The following LRP1B variants were observed in gnomAD, a reference collection of about 807,000 sequenced individuals.
LRP1B encodes low-density lipoprotein receptor-related protein 1B.
In LRP1B, 217 loss-of-function variants were observed where a neutral mutation model predicts 556.6. The observed-to-expected ratio is 0.39, with a 90% CI of 0.35 to 0.44. The LOEUF (loss-of-function observed/expected upper bound fraction) is 0.44, where lower values mean the gene tolerates loss of function less well. Among genes scored for constraint, LRP1B ranks in the 20% least tolerant of loss-of-function variants. The pLI is 1.00. For synonymous variants in LRP1B, 2,047 were observed against 1,865.8 expected, an observed-to-expected ratio of 1.10 and a Z score of -2.50; for missense variants, 5,053 against 5,620.8, an observed-to-expected ratio of 0.90 and a Z score of 3.23.
At chr2:141,020,284 T>A (rs2096355119) in intron 11 of LRP1B, among the ~76,000 whole-genome samples, 182 bp from the exon 12 acceptor site, 2 of 152,076 alleles carry the variant, frequency 1.3e-5, no homozygotes, top group African/African-American at 2.4e-5. Flanking sequence ...TCAATTTTAT[T>A]TTGAATGCCT....
intron 1 of LRP1B, among the ~76,000 whole-genome samples, chr2:142,012,924 T>C (rs1363776136): frequency 6.6e-6 from 1 of 152,066 alleles, no homozygotes; most frequent in Non-Finnish European, 1.5e-5. Context: ...TAGACCTAAG[T>C]TTGGGGAGTA....
chr2:141,209,412 G>A (rs973376379), intron 6 of LRP1B, among the ~76,000 whole-genome samples: 1 of 152,076 alleles, frequency 6.6e-6, no homozygotes, highest in African/African-American at 2.4e-5. Flanking sequence ...GTTTTCAGAA[G>A]CCTCCCCAGC....
At chr2:140,794,715 G>C (rs1690243621) in intron 32 of LRP1B, among the ~76,000 whole-genome samples, 2 of 151,854 alleles carry the variant, frequency 1.3e-5, no homozygotes. Context: ...CTGGGTTCAA[G>C]CGCTTCTCCT....
intron 2 of LRP1B, among the ~76,000 whole-genome samples, chr2:141,755,602 C>T (rs1694289379): frequency 6.6e-6 from 1 of 151,882 alleles, no homozygotes; most frequent in Non-Finnish European, 1.5e-5. Context: ...AACAAGTCAG[C>T]AATATGTTTA....
At chr2:140,820,310 A>G (rs1483563983) in intron 31 of LRP1B, among the ~76,000 whole-genome samples, 1 of 152,158 alleles carries the variant, frequency 6.6e-6, no homozygotes, top group African/African-American at 2.4e-5. Flanking sequence ...CACATTATTC[A>G]ACAACTAGTT....
At chr2:141,707,564 C>A (rs1692190285) in intron 2 of LRP1B, among the ~76,000 whole-genome samples, 1 of 152,136 alleles carries the variant, frequency 6.6e-6, no homozygotes, top group Non-Finnish European at 1.5e-5. Context: ...GCAATTACTG[C>A]ACACACAGGG....
At chr2:141,471,673 A>G (rs1039711215) in intron 3 of LRP1B, among the ~76,000 whole-genome samples, 8 of 152,096 alleles carry the variant, frequency 5.3e-5, no homozygotes, top group Non-Finnish European at 8.8e-5. Flanking sequence ...ACCTACCTCA[A>G]TTACTACATG....
At chr2:142,006,673 C>A (rs531104767) in intron 1 of LRP1B, among the ~76,000 whole-genome samples, 51 of 152,288 alleles carry the variant, frequency 3.3e-4, no homozygotes, top group African/African-American at 1.2e-3. Context: ...GTTAAATATA[C>A]AGTTTTTGAA....
intron 60 of LRP1B, among the ~76,000 whole-genome samples, chr2:140,458,770 A>AT (rs1380122001): frequency 6.6e-6 from 1 of 152,056 alleles, no homozygotes; most frequent in East Asian, 1.9e-4. Context: ...TTACAGCCTT[A>AT]TTTTTTAAAT....
chr2:140,593,520 A>T (rs1438843435), intron 43 of LRP1B, among the ~76,000 whole-genome samples: 4 of 152,154 alleles, frequency 2.6e-5, no homozygotes, highest in Non-Finnish European at 5.9e-5. Context: ...TAATAACTAA[A>T]TTTCCCAAAA....
intron 3 of LRP1B, among the ~76,000 whole-genome samples, chr2:141,303,436 C>T (rs866024636): frequency 4.6e-5 from 7 of 152,096 alleles, no homozygotes; most frequent in Non-Finnish European, 5.9e-5. Context: ...AATCACCAAC[C>T]CCACACACCT....
intron 63 of LRP1B, among the ~76,000 whole-genome samples, chr2:140,447,838 CTAT>C (rs1355479262): frequency 9.2e-5 from 14 of 151,938 alleles, no homozygotes; most frequent in Non-Finnish European, 1.9e-4. Context: ...CCATTGTGGG[CTAT>C]TAGTTGACCT....
intron 2 of LRP1B, among the ~76,000 whole-genome samples, chr2:141,758,186 C>G (rs1271082277): frequency 1.3e-5 from 2 of 152,192 alleles, no homozygotes; most frequent in African/African-American, 2.4e-5. Context: ...CTTCCCCCCA[C>G]TCCAAATATC....
chr2:141,488,023 T>C (rs1170860969), intron 2 of LRP1B, among the ~76,000 whole-genome samples: 2 of 152,176 alleles, frequency 1.3e-5, no homozygotes, highest in East Asian at 3.9e-4. Context: ...AAGGGGAGTT[T>C]TTTGTGGATG....
intron 2 of LRP1B, among the ~76,000 whole-genome samples, chr2:141,726,819 G>C (rs1693056058): frequency 6.6e-6 from 1 of 152,054 alleles, no homozygotes; most frequent in African/African-American, 2.4e-5. Context: ...TCATAGAATT[G>C]ATTCAAAGTT....
chr2:140,315,051 T>C lies in LRP1B; in HGVS notation c.12689A>G (p.Asn4230Ser), dbSNP rs755878355. 6.2e-7 allele frequency: 1 copy of C among 1,611,514 alleles called. No homozygotes were observed. Among genetic ancestry groups the C allele is most frequent in the Non-Finnish European group, 8.5e-7 (1 of 1,178,628 alleles). Residue 4230 changes from asparagine (N) to serine (S), a missense_variant, in exon 83 of 91, where the codon AAT becomes AGT. Coordinates refer to ENST00000389484, the MANE Select transcript of LRP1B (RefSeq NM_018557.3). ...TCENGGRCILNEKGDLRCHCW... is the reference protein window; with the variant it reads ...TCENGGRCILSEKGDLRCHCW... ...GTGACACCTCAAATCACCTTTCTCATTTAAAATGCATCTTCCTCCATTTTC... is the reference window on the plus strand; with the variant it reads ...GTGACACCTCAAATCACCTTTCTCACTTAAAATGCATCTTCCTCCATTTTC...
intron 7 of LRP1B, among the ~76,000 whole-genome samples, chr2:141,121,759 T>C (rs1701055852): frequency 6.7e-6 from 1 of 148,244 alleles, no homozygotes; most frequent in African/African-American, 2.5e-5. Flanking sequence ...TACTTTAAAG[T>C]TCATATGGAA....
At chr2:141,815,064 T>G (rs567183140) in intron 1 of LRP1B, among the ~76,000 whole-genome samples, 8 of 152,180 alleles carry the variant, frequency 5.3e-5, no homozygotes, top group African/African-American at 1.7e-4. Flanking sequence ...AGTAGACTCA[T>G]AGGCTGAGGG....
chr2:140,884,515 T>C (rs553026175), intron 24 of LRP1B, among the ~76,000 whole-genome samples: 1 of 152,198 alleles, frequency 6.6e-6, no homozygotes, highest in Admixed American at 6.6e-5. Flanking sequence ...TAACAGATAA[T>C]AGCTACTACT....
Sources: gnomAD v4.1 joint callset for allele counts (sites outside exome capture counted in the v4.1 genomes callset) on GRCh38, gnomAD v4.1.1 for gene constraint, MANE v1.5 for transcripts, NCBI Gene and HGNC (gene_info 2026-07-23, HGNC 2026-07-21) for gene names.